The following CFAP92 variants were observed in gnomAD, a reference collection of about 807,000 sequenced individuals.
The protein encoded by CFAP92 is uncharacterized protein CFAP92.
In CFAP92, 86 loss-of-function variants were observed where a neutral mutation model predicts 106.3. The observed-to-expected ratio is 0.81, with a 90% CI of 0.68 to 0.97. The LOEUF (loss-of-function observed/expected upper bound fraction) is 0.97, where lower values mean the gene tolerates loss of function less well. Ranked by LOEUF, CFAP92 falls within the 50% of genes least tolerant of loss-of-function variation. The pLI, the probability that CFAP92 is intolerant of heterozygous loss-of-function variation, is 0.00. For missense variants in CFAP92, 1,204 were observed against 1,283.8 expected, an observed-to-expected ratio of 0.94 and a Z score of 0.95; for synonymous variants, 477 against 506.4, an observed-to-expected ratio of 0.94 and a Z score of 0.78.
At chr3:128,947,076 A>T (rs752399202) in intron 9 of CFAP92, among the ~76,000 whole-genome samples, 1 of 152,164 alleles carries the variant, frequency 6.6e-6, no homozygotes, top group Non-Finnish European at 1.5e-5. Context: ...AACTGGCAGT[A>T]AAAAGGAACG....
At chr3:128,917,628 T>C (rs562327428) in intron 12 of CFAP92, among the ~76,000 whole-genome samples, 27 of 152,258 alleles carry the variant, frequency 1.8e-4, no homozygotes, top group Admixed American at 1.5e-3. Context: ...AGAAATTGTT[T>C]TAAAATAAGA....
chr3:128,913,901 G>GCTGT (rs1936600117), intron 15 of CFAP92, among the ~76,000 whole-genome samples: 1 of 152,056 alleles, frequency 6.6e-6, no homozygotes, highest in Non-Finnish European at 1.5e-5. Flanking sequence ...TTGGGGAGGG[G>GCTGT]CTGTCAGACC....
At chr3:129,001,708 C>A (rs915863998) in intron 1 of CFAP92, 6 of 1,509,058 alleles carry the variant, frequency 4.0e-6, no homozygotes, top group Non-Finnish European at 5.3e-6. Flanking sequence ...GCGCGGCGCA[C>A]GCAGTGGCTG....
rs931304844 is a variant in CFAP92, at chr3:128,935,216, G to A, written c.2362C>T (p.His788Tyr). Residue 788 changes from histidine (H) to tyrosine (Y), a missense_variant, in exon 11 of 16, where the codon CAC (histidine) becomes TAC (tyrosine). Transcript: ENST00000645291. ...AGCAGCTCCGTGGGCTGGAAGAGGT[G>A]CACGTGGTACAGGATGGCCTCCAGG... ...GDLEAILYHV[H>Y]LFQPTELLLQ... 3.3e-6 allele frequency: 5 copies of A among 1,535,968 alleles called. No homozygotes were observed. In the African/African-American group the frequency reaches 6.8e-5, roughly 21 times the overall value.
chr3:128,945,748 C>G lies in CFAP92; in HGVS notation c.1581G>C (p.Leu527=). The part of the protein sequence containing the change: ...KSEECSQKPV[L]FGEDPLDSYL... ...ATGAATCCAGAGGGTCCTCCCCAAA[C>G]AGCACGGGCTTCTGAGAACACTCCT... Residue 527 remains leucine, a synonymous_variant, in exon 10 of 16, where the codon CTG becomes CTC. Transcript: ENST00000645291. The G allele has an allele frequency of 6.5e-7, 1 of 1,535,592 alleles. No homozygotes were observed. The highest frequency in any genetic ancestry group is 8.7e-7 in the Non-Finnish European group (1 of 1,146,648).
chr3:128,978,176 TG>T lies in CFAP92; in HGVS notation c.676del (p.His226IlefsTer4). 1 of 1,613,436 alleles carries T rather than the reference TG, an allele frequency of 6.2e-7. No homozygotes were observed. Among genetic ancestry groups the T allele is most frequent in the Non-Finnish European group, 8.5e-7 (1 of 1,179,572 alleles). Reference protein sequence around the residue: ...VGAFHKSEVRHLVLNQRKLSE... With the variant: ...VGAFHKSEVRXLVLNQRKLSE... ...TAATTTTCTCTGATTTAAAACCAAA[TG>T]TCTCACTTCTAGAATGCAGGAGAAG... On this transcript the variant is annotated frameshift_variant, in exon 5 of 16. Coordinates refer to ENST00000645291, the MANE Select transcript of CFAP92 (RefSeq NM_001394090.1). LOFTEE classifies it high-confidence loss of function.
At chr3:128,956,196 T>TAAAAAAAAAAAAAAA (rs577724635) in intron 9 of CFAP92, among the ~76,000 whole-genome samples, 2 of 61,698 alleles carry the variant, frequency 3.2e-5, no homozygotes, top group Admixed American at 1.5e-4. Flanking sequence ...AAAAAAAAAA[T>TAAAAAAAAAAAAAAA]AAAAAAAAAA....
intron 10 of CFAP92, among the ~76,000 whole-genome samples, chr3:128,936,909 G>A (rs953757128): frequency 3.3e-5 from 5 of 152,114 alleles, no homozygotes; most frequent in Admixed American, 6.6e-5. Flanking sequence ...TACTTTTAAC[G>A]TTGCCAAATG....
At chr3:129,002,226 G>C in intron 1 of CFAP92, 1 of 1,529,002 alleles carries the variant, frequency 6.5e-7, no homozygotes, top group Non-Finnish European at 8.7e-7. Flanking sequence ...CTGTGAGCGC[G>C]TTGCGCGGCT....
intron 10 of CFAP92, among the ~76,000 whole-genome samples, chr3:128,937,005 A>AT (rs1939089015): frequency 6.6e-6 from 1 of 151,808 alleles, no homozygotes; most frequent in African/African-American, 2.4e-5. Context: ...GTTCTTCTAT[A>AT]TTTTCATCTA....
chr3:128,919,604 A>G (rs1937101876), intron 12 of CFAP92, among the ~76,000 whole-genome samples: 1 of 152,246 alleles, frequency 6.6e-6, no homozygotes, highest in African/African-American at 2.4e-5. Context: ...TTGAGAGTCC[A>G]AGAATCTGGA....
intron 7 of CFAP92, among the ~76,000 whole-genome samples, chr3:128,972,749 G>A (rs113835762): frequency 0.21 from 31,942 of 151,676 alleles, 3,691 homozygotes; most frequent in Middle Eastern, 0.27. Context: ...CAGCTACTTG[G>A]GAGGCTGAGG....
chr3:129,013,524 A>G, the CFAP92 span, among the ~76,000 whole-genome samples: 1 of 152,164 alleles, frequency 6.6e-6, no homozygotes, highest in Non-Finnish European at 1.5e-5. Flanking sequence ...CATTCTTCCC[A>G]TAAGGTAGCA....
chr3:128,916,087 A>G lies in CFAP92; in HGVS notation c.2916+20T>C. ...CTCATGGGATTTGCCAACTGCCATC[A>G]TCCTGTCTGGGTCTCTCACCTTGGC... On this transcript the variant is annotated intron_variant, in intron 13 of 15. Transcript: ENST00000645291. The G allele has an allele frequency of 1.6e-6, 2 of 1,232,298 alleles. No homozygotes were observed. The highest frequency in any genetic ancestry group is 6.3e-5 in the East Asian group (2 of 31,696). The allele number at this position is 1,232,298 out of a possible 1,614,324, so 76.3% of individuals were successfully genotyped here.
chr3:129,002,402 G>C, intron 1 of CFAP92: 1 of 1,456,432 alleles, frequency 6.9e-7, no homozygotes, highest in Non-Finnish European at 9.0e-7. Context: ...TGCGGAGCCC[G>C]ACAGGACAGA....
chr3:128,941,242 T>C (rs904244772), intron 10 of CFAP92, among the ~76,000 whole-genome samples: 5 of 152,202 alleles, frequency 3.3e-5, no homozygotes, highest in Non-Finnish European at 5.9e-5. Context: ...TAGATTTTTA[T>C]ACTAATTTTT....
At chr3:129,012,694 C>A in the CFAP92 span, among the ~76,000 whole-genome samples, 10 of 152,138 alleles carry the variant, frequency 6.6e-5, no homozygotes, top group Non-Finnish European at 1.5e-4. Flanking sequence ...AGTTGGGTGG[C>A]CATAGAAGTG....
intron 1 of CFAP92, among the ~76,000 whole-genome samples, chr3:128,999,728 T>TG (rs150816624): frequency 0.03 from 4,589 of 150,878 alleles, 263 homozygotes; most frequent in African/African-American, 0.11. Context: ...TTAGTAGAGA[T>TG]GGGGGTGGTT....
intron 9 of CFAP92, among the ~76,000 whole-genome samples, chr3:128,947,727 T>G (rs929148871): frequency 6.6e-6 from 1 of 152,162 alleles, no homozygotes; most frequent in African/African-American, 2.4e-5. Context: ...TCCCAGCACT[T>G]TGGGAGGCTG....
Sources: gnomAD v4.1 joint callset for allele counts (sites outside exome capture counted in the v4.1 genomes callset) on GRCh38, gnomAD v4.1.1 for gene constraint, MANE v1.5 for transcripts, NCBI Gene and HGNC (gene_info 2026-07-23, HGNC 2026-07-21) for gene names.